Variants in SRPK2 observed in about 807,000 individuals in gnomAD.
The protein encoded by SRPK2 is SRSF protein kinase 2.
SRPK2 carries 21 observed loss-of-function variants against 90.8 expected under a neutral mutation model. The ratio of observed to expected loss-of-function variants is 0.23; its 90% confidence interval spans 0.16 to 0.33. The LOEUF is 0.33. Ranked by LOEUF, SRPK2 falls within the 10% of genes least tolerant of loss-of-function variation. The pLI, the probability that SRPK2 is intolerant of heterozygous loss-of-function variation, is 1.00. For missense variants in SRPK2, 620 were observed against 869.0 expected (o/e 0.71, Z 3.60); for synonymous variants, 288 against 311.1 (o/e 0.93, Z 0.78).
intron 2 of SRPK2, among the ~76,000 whole-genome samples, chr7:105,258,983 G>A (rs1803787043): frequency 2.0e-5 from 3 of 152,284 alleles, no homozygotes; most frequent in East Asian, 3.9e-4. Flanking sequence ...GCACAAGACA[G>A]GGATGCCCTC....
In SRPK2 at chr7:105,137,556, A is replaced by C. The variant is rs574573928; in HGVS notation, c.1543+4452T>G. On this transcript the variant is annotated intron_variant, in intron 11 of 15. Coordinates refer to ENST00000393651, the MANE Select transcript of SRPK2 (RefSeq NM_182692.3). ...GAGTGACACAGAAAGGATTCCAGAAATAGCCCACAGGTAAGACCAACAAAA... is the reference window on the plus strand; with the variant it reads ...GAGTGACACAGAAAGGATTCCAGAACTAGCCCACAGGTAAGACCAACAAAA... Among the ~76,000 whole-genome samples, 3 of 152,278 alleles carry C rather than the reference A, an allele frequency of 2.0e-5. No homozygotes were observed. The East Asian group carries it at 5.8e-4, about 29-fold the overall frequency.
intron 2 of SRPK2, among the ~76,000 whole-genome samples, chr7:105,320,768 T>C (rs940182880): frequency 1.3e-5 from 2 of 152,122 alleles, no homozygotes; most frequent in Non-Finnish European, 2.9e-5. Flanking sequence ...AATCAGACCT[T>C]GGCAATGACC....
intron 2 of SRPK2, among the ~76,000 whole-genome samples, chr7:105,231,715 T>C (rs1357952288): frequency 2.0e-5 from 3 of 152,264 alleles, no homozygotes; most frequent in African/African-American, 7.2e-5. Flanking sequence ...GTATGTCTTC[T>C]TTTGAAAAGT....
intron 2 of SRPK2, among the ~76,000 whole-genome samples, chr7:105,205,424 C>T (rs1301843731): frequency 2.6e-5 from 4 of 151,890 alleles, no homozygotes; most frequent in African/African-American, 4.8e-5. Context: ...TAACAGACAT[C>T]AGGATTGTAG....
intron 2 of SRPK2, among the ~76,000 whole-genome samples, chr7:105,235,705 A>T (rs1800045602): frequency 6.6e-6 from 1 of 152,190 alleles, no homozygotes; most frequent in Non-Finnish European, 1.5e-5. Flanking sequence ...GAAATAATTA[A>T]CAAAACAGGT....
chr7:105,134,040 C>A (rs1020266571), intron 11 of SRPK2, among the ~76,000 whole-genome samples: 1 of 152,106 alleles, frequency 6.6e-6, no homozygotes, highest in Admixed American at 6.5e-5. Flanking sequence ...GACTGACCTA[C>A]AAGATCAGAT....
At chr7:105,252,651 T>C (rs1411058752) in intron 2 of SRPK2, among the ~76,000 whole-genome samples, 1 of 152,112 alleles carries the variant, frequency 6.6e-6, no homozygotes, top group African/African-American at 2.4e-5. Context: ...AAACAATTTA[T>C]AGAAATGATA....
chr7:105,177,572 TGGA>T (rs1244287124), intron 3 of SRPK2, among the ~76,000 whole-genome samples: 10 of 152,318 alleles, frequency 6.6e-5, no homozygotes, highest in African/African-American at 2.4e-4. Context: ...GATGTGTCAA[TGGA>T]GGTTTACCAA....
chr7:105,358,507 G>T (rs961791457), intron 2 of SRPK2, among the ~76,000 whole-genome samples: 3 of 151,930 alleles, frequency 2.0e-5, no homozygotes. Context: ...ACAACATGAC[G>T]AAACTCAGTC....
At chr7:105,398,762 T>C (rs543469444) in intron 1 of SRPK2, among the ~76,000 whole-genome samples, 1 of 152,192 alleles carries the variant, frequency 6.6e-6, no homozygotes, top group Non-Finnish European at 1.5e-5. Context: ...CATAATAGTG[T>C]AACATAGAAG....
intron 3 of SRPK2, among the ~76,000 whole-genome samples, chr7:105,171,263 T>C (rs1791110818): frequency 6.6e-6 from 1 of 152,218 alleles, no homozygotes; most frequent in African/African-American, 2.4e-5. Context: ...GTACACTTTT[T>C]GTGAAATACG....
intron 2 of SRPK2, among the ~76,000 whole-genome samples, chr7:105,282,834 T>A (rs556753860): frequency 6.6e-6 from 1 of 151,262 alleles, no homozygotes; most frequent in African/African-American, 2.4e-5. Context: ...AAATGCATTA[T>A]CAAGAAAGTA....
intron 2 of SRPK2, among the ~76,000 whole-genome samples, chr7:105,360,821 G>A (rs1458635400): frequency 2.0e-5 from 3 of 151,960 alleles, no homozygotes; most frequent in African/African-American, 7.3e-5. Flanking sequence ...TTGACAGAAC[G>A]TATCTCAAAA....
chr7:105,283,180 A>G (rs1347845007), intron 2 of SRPK2, among the ~76,000 whole-genome samples: 1 of 152,262 alleles, frequency 6.6e-6, no homozygotes, highest in Admixed American at 6.5e-5. Flanking sequence ...TCGAGACTTC[A>G]GGCATGGCTG....
chr7:105,122,000 T>TC (rs1213671850), intron 15 of SRPK2, among the ~76,000 whole-genome samples: 2 of 152,202 alleles, frequency 1.3e-5, no homozygotes, highest in Admixed American at 6.5e-5. Context: ...ATCAATTGTG[T>TC]ACACGTAGAA....
At chr7:105,362,606 A>C (rs183787168) in intron 2 of SRPK2, among the ~76,000 whole-genome samples, 1 of 152,226 alleles carries the variant, frequency 6.6e-6, no homozygotes, top group Admixed American at 6.5e-5. Flanking sequence ...GTGGGACTGT[A>C]AACTAGTTCA....
In SRPK2 at chr7:105,243,612, CAGAG is replaced by C. The variant is rs926250980; in HGVS notation, c.72-39831_72-39828del. The stretch of plus-strand genomic sequence containing the variant: ...CACCATTGCACTCCAGTCTGGGTAA[CAGAG>C]AGAGACTCCATCTCAAAAAAAAAAA... On this transcript the variant is annotated intron_variant, in intron 2 of 15. Transcript: ENST00000393651. Among the ~76,000 whole-genome samples, 46 of 115,672 alleles carry C rather than the reference CAGAG, an allele frequency of 4.0e-4. 1 individual carries two copies. Among genetic ancestry groups the C allele is most frequent in the Admixed American group, 4.6e-4 (4 of 8,764 alleles). 75.9% of individuals were successfully genotyped at this position (115,672 alleles called of 152,430 possible).
At chr7:105,227,634 T>C (rs956471634) in intron 2 of SRPK2, among the ~76,000 whole-genome samples, 12 of 151,394 alleles carry the variant, frequency 7.9e-5, no homozygotes, top group African/African-American at 2.4e-4. Context: ...GGTAGGAATG[T>C]AAAACGACTC....
At chr7:105,228,197 T>A (rs1000823547) in intron 2 of SRPK2, among the ~76,000 whole-genome samples, 10 of 152,164 alleles carry the variant, frequency 6.6e-5, no homozygotes, top group Non-Finnish European at 1.2e-4. Context: ...CCCAATCTCC[T>A]AATTTCATAT....
Sources: gnomAD v4.1 joint callset for allele counts (sites outside exome capture counted in the v4.1 genomes callset) on GRCh38, gnomAD v4.1.1 for gene constraint, MANE v1.5 for transcripts, NCBI Gene and HGNC (gene_info 2026-07-23, HGNC 2026-07-21) for gene names.